Variants in RGS22 observed in about 807,000 individuals in gnomAD.
RGS22 encodes the protein regulator of G-protein signaling 22.
Under a neutral mutation model 172.9 loss-of-function variants are expected in RGS22, and 148 were observed. The observed-to-expected ratio is 0.86, with a 90% confidence interval of 0.75 to 0.98. RGS22 has a LOEUF of 0.98. RGS22 is among the 50% of genes least tolerant of loss of function. The probability of loss-of-function intolerance (pLI) is 0.00; values close to 1 mark genes in which losing one functional copy is unlikely to be tolerated. For synonymous variants in RGS22, 458 were observed against 480.2 expected (o/e 0.95, Z 0.60); for missense variants, 1,347 against 1,440.8 (o/e 0.93, Z 1.05).
At chr8:100,091,093 C>T (rs1812542210) in intron 3 of RGS22, among the ~76,000 whole-genome samples, 1 of 152,172 alleles carries the variant, frequency 6.6e-6, no homozygotes, top group Non-Finnish European at 1.5e-5. Flanking sequence ...TAGCTAAGTG[C>T]TCATAAACCA....
At chr8:99,978,274 CT>C (rs202075955) in intron 22 of RGS22, among the ~76,000 whole-genome samples, 199 bp from the exon 23 acceptor site, 1 of 151,840 alleles carries the variant, frequency 6.6e-6, no homozygotes, top group Non-Finnish European at 1.5e-5. Flanking sequence ...AGAAGTCTTT[CT>C]TTTAAAAAAA....
At chr8:100,007,514 C>T (rs1208591854) in intron 15 of RGS22, among the ~76,000 whole-genome samples, 3 of 151,994 alleles carry the variant, frequency 2.0e-5, no homozygotes, top group Admixed American at 6.6e-5. Context: ...ATAGAAGTAC[C>T]AAAGTCAGAG....
intron 23 of RGS22, among the ~76,000 whole-genome samples, chr8:99,968,780 A>G (rs926840451): frequency 6.6e-6 from 1 of 152,186 alleles, no homozygotes; most frequent in Non-Finnish European, 1.5e-5. Flanking sequence ...TGATGGGGAG[A>G]ATGGAACCAA....
At chr8:100,022,902 A>AT (rs943294081) in intron 14 of RGS22, among the ~76,000 whole-genome samples, 2 of 151,828 alleles carry the variant, frequency 1.3e-5, no homozygotes, top group African/African-American at 2.4e-5. Context: ...TAATTTTTGT[A>AT]TTTTTTTTGT....
intron 23 of RGS22, among the ~76,000 whole-genome samples, chr8:99,977,413 G>A (rs779473562): frequency 4.6e-5 from 7 of 151,624 alleles, no homozygotes; most frequent in Admixed American, 2.0e-4. Context: ...GTGAGGCACC[G>A]TGTCTGGCCC....
At chr8:99,994,018 A>G (rs753178783) in intron 20 of RGS22, among the ~76,000 whole-genome samples, 1 of 152,210 alleles carries the variant, frequency 6.6e-6, no homozygotes, top group South Asian at 2.1e-4. Flanking sequence ...CAAAAACCAG[A>G]TGATTATCTC....
intron 18 of RGS22, among the ~76,000 whole-genome samples, chr8:100,000,567 C>G (rs181011246): frequency 1.8e-4 from 27 of 152,214 alleles, no homozygotes; most frequent in Non-Finnish European, 3.7e-4. Context: ...CTGTAGTAAG[C>G]ACATCTATTT....
chr8:99,996,669 C>T (rs1233304877), intron 19 of RGS22, 139 bp from the exon 20 acceptor site: 1 of 735,812 alleles, frequency 1.4e-6, no homozygotes, highest in African/African-American at 1.8e-5. Flanking sequence ...GAGGATCAAA[C>T]TTAAAAATGG....
chr8:100,005,943 C>T (rs944843621), intron 16 of RGS22, 74 bp downstream of exon 16: 2 of 1,024,494 alleles, frequency 2.0e-6, no homozygotes, highest in East Asian at 2.4e-5. Context: ...TACAATCTCC[C>T]CCTGCCCCAT....
rs144130529 is a variant in RGS22 at position 100,077,982 on chromosome 8, T to C, written c.339+2152A>G. Among the ~76,000 whole-genome samples, 145 of 152,318 alleles carry C rather than the reference T, an allele frequency of 9.5e-4. 1 individual carries two copies. The East Asian group carries it at 0.026, about 28-fold the overall frequency. Reference sequence around the variant, plus strand: ...TATCATTATGTAATGTTCCTCTTTATCCATAGTAAGATTCCTTGTTCTGAG... The same window carrying C: ...TATCATTATGTAATGTTCCTCTTTACCCATAGTAAGATTCCTTGTTCTGAG... On this transcript the variant is annotated intron_variant, in intron 4 of 27. Transcript: ENST00000360863.
rs555837777 is a variant in RGS22, at chr8:99,994,352, A to G, written c.3018+2110T>C. Among the ~76,000 whole-genome samples the G allele has an allele frequency of 2.6e-5, 4 of 152,326 alleles. No individual in the cohort carries two copies. In the South Asian group the frequency reaches 8.3e-4, roughly 32 times the overall value. Reference sequence around the variant, plus strand: ...CCCTGTTTGCAGATGACATGATTGTATATTTAGAAAACCCCGTCATCTCAG... The same window carrying G: ...CCCTGTTTGCAGATGACATGATTGTGTATTTAGAAAACCCCGTCATCTCAG... On this transcript the variant is annotated intron_variant, in intron 20 of 27. Transcript: ENST00000360863.
Position 100,072,588 on chromosome 8 carries a change from C to T in RGS22, c.340-358G>A, listed in dbSNP as rs142792069. Among the ~76,000 whole-genome samples, 10 of 152,160 alleles carry T rather than the reference C, an allele frequency of 6.6e-5. No homozygotes were observed. In the East Asian group the frequency reaches 1.5e-3, roughly 23 times the overall value. ...AGTCATAAAATGGGTTAAAAATAAT[C>T]ACAAACAGAAAAAGAACCACCAAGA... is the stretch of plus-strand genomic sequence containing the variant. On this transcript the variant is annotated intron_variant, in intron 4 of 27. Transcript: ENST00000360863.
chr8:100,019,310 T>C (rs1158360122), intron 14 of RGS22, among the ~76,000 whole-genome samples: 2 of 152,378 alleles, frequency 1.3e-5, no homozygotes, highest in Non-Finnish European at 2.9e-5. Context: ...ATTTGTTATG[T>C]TACATTTCAG....
chr8:100,068,307 C>T (rs1199816960), intron 6 of RGS22, among the ~76,000 whole-genome samples: 1 of 151,994 alleles, frequency 6.6e-6, no homozygotes, highest in Non-Finnish European at 1.5e-5. Context: ...TCGCTTGAGC[C>T]AGGGAGGTTG....
At chr8:100,056,229 A>AG (rs758766507) in intron 9 of RGS22, among the ~76,000 whole-genome samples, 1 of 152,082 alleles carries the variant, frequency 6.6e-6, no homozygotes, top group Non-Finnish European at 1.5e-5. Flanking sequence ...CTTGAGAGAG[A>AG]TGATTTAGGG....
chr8:100,101,833 A>G (rs1333734417), intron 2 of RGS22, among the ~76,000 whole-genome samples: 3 of 151,990 alleles, frequency 2.0e-5, no homozygotes, highest in African/African-American at 7.2e-5. Flanking sequence ...AAAATACAAT[A>G]TGAAAAAAAA....
In RGS22 at chr8:100,080,169, C is replaced by G. The variant is rs1436038185; in HGVS notation, c.304G>C (p.Glu102Gln). The G allele has an allele frequency of 6.2e-7, 1 of 1,612,444 alleles. No homozygotes were observed. Among genetic ancestry groups the G allele is most frequent in the Non-Finnish European group, 8.5e-7 (1 of 1,178,620 alleles). ...VKPVQMNAPD[E>Q]DETINVNYNI... ...TAGTTGACATTAATGGTCTCATCTTCATCGGGGGCATTCATTTGAACAGGT... is the reference window on the plus strand; with the variant it reads ...TAGTTGACATTAATGGTCTCATCTTGATCGGGGGCATTCATTTGAACAGGT... Residue 102 changes from glutamate (E) to glutamine (Q), a missense_variant, in exon 4 of 28, where the codon GAA becomes CAA. By Grantham distance (29) the Glu-to-Gln change is conservative. Coordinates refer to ENST00000360863, the MANE Select transcript of RGS22 (RefSeq NM_015668.5).
intron 23 of RGS22, among the ~76,000 whole-genome samples, chr8:99,968,499 G>A (rs1401875193): frequency 1.3e-5 from 2 of 152,010 alleles, no homozygotes; most frequent in Non-Finnish European, 2.9e-5. Flanking sequence ...AAGGTTACAG[G>A]AACTGCTAAC....
At chr8:99,975,737 G>A (rs1811858382) in intron 23 of RGS22, among the ~76,000 whole-genome samples, 1 of 151,882 alleles carries the variant, frequency 6.6e-6, no homozygotes, top group African/African-American at 2.4e-5. Flanking sequence ...TTGTAGAGAT[G>A]AGGTCTTGCT....
Sources: gnomAD v4.1 joint callset for allele counts (sites outside exome capture counted in the v4.1 genomes callset) on GRCh38, gnomAD v4.1.1 for gene constraint, MANE v1.5 for transcripts, NCBI Gene and HGNC (gene_info 2026-07-23, HGNC 2026-07-21) for gene names.